Variants in CHST5 observed in about 807,000 individuals in gnomAD.
The protein encoded by CHST5 is GST4-alpha.
For synonymous variants in CHST5, 313 were observed against 279.2 expected (o/e 1.12, Z -1.21); for missense variants, 637 against 602.1 (o/e 1.06, Z -0.61).
At chr16:75,531,888 C>T (rs1410911507) in intron 3 of CHST5, among the ~76,000 whole-genome samples, 1 of 152,086 alleles carries the variant, frequency 6.6e-6, no homozygotes, top group Non-Finnish European at 1.5e-5. Flanking sequence ...TGGGAACTGG[C>T]GGGGTCTCCT....
chr16:75,535,826 T>C (rs1217583681), intron 1 of CHST5, among the ~76,000 whole-genome samples: 1 of 152,158 alleles, frequency 6.6e-6, no homozygotes, highest in African/African-American at 2.4e-5. Flanking sequence ...CAGAGTCACT[T>C]CTCATCTAAC....
rs542656962 is a variant in CHST5, at chr16:75,530,492, C to G, written c.-108G>C. ...CCAAGGTCTCAGTCGAGCACTTTCCCAGGAATACGGAGTCAAGACATAGGC... is the reference window on the plus strand; with the variant it reads ...CCAAGGTCTCAGTCGAGCACTTTCCGAGGAATACGGAGTCAAGACATAGGC... On this transcript the variant is annotated 5_prime_UTR_variant, in exon 4 of 4. Coordinates refer to ENST00000336257, the MANE Select transcript of CHST5 (RefSeq NM_024533.5). 1 of 1,450,080 alleles carries G rather than the reference C, an allele frequency of 6.9e-7. No homozygotes were observed. Among genetic ancestry groups the G allele is most frequent in the South Asian group, 1.5e-5 (1 of 67,250 alleles). 89.8% of individuals were successfully genotyped at this position (1,450,080 alleles called of 1,614,324 possible).
chr16:75,532,357 C>T (rs1333505031), intron 3 of CHST5, among the ~76,000 whole-genome samples: 1 of 152,166 alleles, frequency 6.6e-6, no homozygotes, highest in Non-Finnish European at 1.5e-5. Flanking sequence ...CTAAAGTGTT[C>T]TTCTGTTTGC....
Position 75,533,088 on chromosome 16 carries a change from C to A in CHST5, c.-1257+1G>T. 1 of 701,442 alleles carries A rather than the reference C, an allele frequency of 1.4e-6. No homozygotes were observed. The highest frequency in any genetic ancestry group is 1.5e-5 in the South Asian group (1 of 67,486). 43.5% of individuals were successfully genotyped at this position (701,442 alleles called of 1,614,324 possible). ...TGATCCCAAGCTAAGGTGTTTGTTA[C>A]CTGTGTTCCAGGAAAGCCAGAGGTC... On this transcript the variant is annotated splice_donor_variant, in intron 3 of 3. Transcript: ENST00000336257. LOFTEE classifies it low-confidence loss of function (5UTR_SPLICE).
rs1179077988 is a variant in CHST5 at position 75,528,613 on chromosome 16, T to A, written c.*536A>T. 6.5e-6 allele frequency: 1 copy of A among 153,134 alleles called. No individual in the cohort carries two copies. The highest frequency in any genetic ancestry group is 1.5e-5 in the Non-Finnish European group (1 of 68,730). 9.5% of individuals were successfully genotyped at this position (153,134 alleles called of 1,614,324 possible). ...CCCAAGCTAGGGTGCAGTGGCATGA[T>A]CTCAGCTTACTGCAACCTCCACCTC... On this transcript the variant is annotated 3_prime_UTR_variant, in exon 4 of 4. Coordinates refer to ENST00000336257, the MANE Select transcript of CHST5 (RefSeq NM_024533.5).
intron 3 of CHST5, 74 bp from the exon 4 acceptor site, chr16:75,531,714 T>G (rs944396837): frequency 5.8e-5 from 65 of 1,118,070 alleles, no homozygotes; most frequent in Non-Finnish European, 6.9e-5. Flanking sequence ...CTCCCCAGGG[T>G]GGGAACAGAG....
rs751278474 is a variant in CHST5 at position 75,529,138 on chromosome 16, G to C, written c.*11C>G. On this transcript the variant is annotated 3_prime_UTR_variant, in exon 4 of 4. Coordinates refer to ENST00000336257, the MANE Select transcript of CHST5 (RefSeq NM_024533.5). Reference sequence around the variant, plus strand: ...ACCACAGTTCGGGGCCTGCTCTAAGGCCCAGAGTTCTCAGTCAGGCGATGC... The same window carrying C: ...ACCACAGTTCGGGGCCTGCTCTAAGCCCCAGAGTTCTCAGTCAGGCGATGC... The C allele has an allele frequency of 1.9e-6, 3 of 1,558,722 alleles. No individual in the cohort carries two copies. In the African/African-American group the frequency reaches 4.1e-5, roughly 21 times the overall value.
At position 75,533,118 on chromosome 16, in the gene CHST5, T is replaced by C. The variant is rs1199148092; in HGVS notation, c.-1286A>G. 2.8e-6 allele frequency: 2 copies of C among 702,300 alleles called. No homozygotes were observed. Among genetic ancestry groups the C allele is most frequent in the Admixed American group, 2.0e-5 (1 of 49,998 alleles). The allele number at this position is 702,300 out of a possible 1,614,324, so 43.5% of individuals were successfully genotyped here. ...GTTCCAGGAAAGCCAGAGGTCTTCT[T>C]AAGGTGGTTGAATCACTCTATGCCA... is the stretch of plus-strand genomic sequence containing the variant. On this transcript the variant is annotated 5_prime_UTR_variant, in exon 3 of 4. Coordinates refer to ENST00000336257, the MANE Select transcript of CHST5 (RefSeq NM_024533.5).
At position 75,533,173 on chromosome 16, in the gene CHST5, C is replaced by A. The variant is rs1288101514; in HGVS notation, c.-1341G>T. On this transcript the variant is annotated 5_prime_UTR_variant, in exon 3 of 4. Coordinates refer to ENST00000336257, the MANE Select transcript of CHST5 (RefSeq NM_024533.5). ...GAGTCTCCAGAAGACCAGTTCCTCA[C>A]TGGGAGCTTTCTGATAAGGAGACTT... 2.8e-6 allele frequency: 2 copies of A among 702,396 alleles called. No homozygotes were observed. Among genetic ancestry groups the A allele is most frequent in the Middle Eastern group, 4.6e-4 (2 of 4,364 alleles). The allele number at this position is 702,396 out of a possible 1,614,324, so 43.5% of individuals were successfully genotyped here. A position where few individuals can be genotyped will look rare whatever the true frequency, so the allele number is the denominator to read the frequency against.
intron 3 of CHST5, among the ~76,000 whole-genome samples, chr16:75,532,567 C>T (rs1210785587): frequency 2.0e-5 from 3 of 152,084 alleles, no homozygotes; most frequent in East Asian, 1.9e-4. Context: ...CAGGAGTGAG[C>T]GGAGGATGCC....
At chr16:75,534,973 T>G (rs537421755) in intron 2 of CHST5, among the ~76,000 whole-genome samples, 154 bp downstream of exon 2, 1 of 152,138 alleles carries the variant, frequency 6.6e-6, no homozygotes, top group African/African-American at 2.4e-5. Context: ...AGATGAACTT[T>G]CCACGTTGCT....
intron 3 of CHST5, among the ~76,000 whole-genome samples, chr16:75,532,112 C>G (rs2080527857): frequency 6.6e-6 from 1 of 152,158 alleles, no homozygotes; most frequent in South Asian, 2.1e-4. Context: ...CACACATGCC[C>G]CTGTTACTGT....
In CHST5 at chr16:75,529,527, C is replaced by T; in HGVS notation, c.858G>A (p.Leu286=). 1 of 1,610,234 alleles carries T rather than the reference C, an allele frequency of 6.2e-7. No individual in the cohort carries two copies. ...EAATLKPPPF[L]RGRYRLVRFE... Reference sequence around the variant, plus strand: ...AGCGCACCAGGCGGTAGCGGCCGCGCAGGAAGGGTGGCGGCTTGAGTGTGG... The same window carrying T: ...AGCGCACCAGGCGGTAGCGGCCGCGTAGGAAGGGTGGCGGCTTGAGTGTGG... Residue 286 remains leucine, a synonymous_variant, in exon 4 of 4, where the codon CTG becomes CTA. Transcript: ENST00000336257.
rs1567428759 is a variant in CHST5 at position 75,529,926 on chromosome 16, C to A, written c.459G>T (p.Ser153=). ...FNWATSRALC[S]PPACSAFPRG... is the part of the protein sequence containing the mutation. ...GGGGAAAGGCGCTGCAGGCGGGCGG[C>A]GAGCACAGCGCGCGGCTCGTTGCCC... Residue 153 remains serine, a synonymous_variant, in exon 4 of 4, where the codon TCG becomes TCT. Transcript: ENST00000336257. The A allele has an allele frequency of 6.2e-6, 10 of 1,613,088 alleles. No homozygotes were observed. Among genetic ancestry groups the A allele is most frequent in the Non-Finnish European group, 6.8e-6 (8 of 1,179,928 alleles).
chr16:75,530,166 C>G lies in CHST5; in HGVS notation c.219G>C (p.Ser73=), dbSNP rs139095618. ...AGAGCTGGCCCAAGAAGGATGAGCC[C>G]GAGCGCCACGAGGACAGCACCAGCA... is the stretch of plus-strand genomic sequence containing the variant. The part of the protein sequence containing the change: ...VHVLVLSSWR[S]GSSFLGQLFS... Residue 73 remains serine (S), a synonymous_variant, in exon 4 of 4, where the codon TCG becomes TCC. Coordinates refer to ENST00000336257, the MANE Select transcript of CHST5 (RefSeq NM_024533.5). 2 of 1,613,444 alleles carry G rather than the reference C, an allele frequency of 1.2e-6. No homozygotes were observed. The highest frequency in any genetic ancestry group is 1.3e-5 in the African/African-American group (1 of 74,930).
Position 75,529,353 on chromosome 16 carries a change from CG to C in CHST5, c.1031del (p.Ser344CysfsTer74). On this transcript the variant is annotated frameshift_variant, in exon 4 of 4. Transcript: ENST00000336257. LOFTEE classifies it low-confidence loss of function (END_TRUNC). ...IGKPIEAFHT[S>X]SRNARNVSQA... ...GGGAGACGTTGCGCGCATTCCTAGA[CG>C]AAGTATGGAAGGCCTCGATTGGCTT... is the stretch of plus-strand genomic sequence containing the variant. The C allele has an allele frequency of 1.2e-6, 2 of 1,613,212 alleles. No individual in the cohort carries two copies. Among genetic ancestry groups the C allele is most frequent in the African/African-American group, 2.7e-5 (2 of 75,062 alleles).
rs2080511730 is a variant in CHST5 at position 75,530,701 on chromosome 16, C to A, written c.-317G>T. On this transcript the variant is annotated 5_prime_UTR_variant, in exon 4 of 4. It adds an upstream start codon to the 5' untranslated region. Coordinates refer to ENST00000336257, the MANE Select transcript of CHST5 (RefSeq NM_024533.5). The stretch of plus-strand genomic sequence containing the variant: ...CTTCAGGATACCTCTTAGAGAGACC[C>A]TTTTAGGTTGTGGAGCTAAAAGGGC... 1 of 1,140,012 alleles carries A rather than the reference C, an allele frequency of 8.8e-7. No individual in the cohort carries two copies. The highest frequency in any genetic ancestry group is 1.1e-6 in the Non-Finnish European group (1 of 918,488). The allele number at this position is 1,140,012 out of a possible 1,614,324, so 70.6% of individuals were successfully genotyped here. A position where few individuals can be genotyped will look rare whatever the true frequency, so the allele number is the denominator to read the frequency against.
In CHST5 at chr16:75,530,103, G is replaced by A. The variant is rs1261704933; in HGVS notation, c.282C>T (p.Pro94=). ...ACAGGGTGGTCCACACATGCCACGC[G>A]GGCTCCATCAGGTAGAAGACGTCGG... ...QHPDVFYLME[P]AWHVWTTLSQ... Residue 94 remains proline, a synonymous_variant, in exon 4 of 4, where the codon CCC becomes CCT. Transcript: ENST00000336257. 3.7e-6 allele frequency: 6 copies of A among 1,613,434 alleles called. No individual in the cohort carries two copies. Among genetic ancestry groups the A allele is most frequent in the South Asian group, 3.3e-5 (3 of 91,072 alleles).
At position 75,531,106 on chromosome 16, in the gene CHST5, A is replaced by T; in HGVS notation, c.-722T>A. The T allele has an allele frequency of 2.2e-6, 2 of 921,274 alleles. No homozygotes were observed. Among genetic ancestry groups the T allele is most frequent in the South Asian group, 5.1e-5 (1 of 19,668 alleles). 57.1% of individuals were successfully genotyped at this position (921,274 alleles called of 1,614,324 possible). A position where few individuals can be genotyped will look rare whatever the true frequency, so the allele number is the denominator to read the frequency against. On this transcript the variant is annotated 5_prime_UTR_variant, in exon 4 of 4. Transcript: ENST00000336257. ...GGGAGGCCGAGGCGGGCGGATCACG[A>T]GGTCAGGAGATCGAGACCATCCTGG...
Sources: gnomAD v4.1 joint callset for allele counts (sites outside exome capture counted in the v4.1 genomes callset) on GRCh38, gnomAD v4.1.1 for gene constraint, MANE v1.5 for transcripts, NCBI Gene and HGNC (gene_info 2026-07-23, HGNC 2026-07-21) for gene names.